The following LYPD5 variants were observed in gnomAD, a reference collection of about 807,000 sequenced individuals.
LYPD5 encodes the protein ly6/PLAUR domain-containing protein 5.
A neutral mutation model predicts 19.1 loss-of-function variants in LYPD5; 21 were observed. The observed-to-expected ratio is 1.10, with a 90% CI of 0.78 to 1.58. The LOEUF is 1.58. Ranked by LOEUF, LYPD5 falls within the 40% of genes most tolerant of loss-of-function variation. LYPD5 has a pLI of 0.00. For missense variants in LYPD5, 287 were observed against 329.8 expected, an observed-to-expected ratio of 0.87 and a Z score of 1.00; for synonymous variants, 128 against 142.7, an observed-to-expected ratio of 0.90 and a Z score of 0.74.
intron 1 of LYPD5, among the ~76,000 whole-genome samples, chr19:43,819,283 C>CTTTTTTTTTTTTTTTTTTTT (rs560659624): frequency 9.0e-6 from 1 of 110,516 alleles, no homozygotes; most frequent in Non-Finnish European, 1.8e-5. Flanking sequence ...TCTTCTTCTT[C>CTTTTTTTTTTTTTTTTTTTT]TTTTTTTTTT....
At position 43,810,832 on chromosome 19, in the gene LYPD5, G is replaced by A. The variant is rs181558569; in HGVS notation, c.-66+9708C>T. On this transcript the variant is annotated intron_variant, in intron 1 of 4. Coordinates refer to the LYPD5 transcript ENST00000414615. Reference sequence around the variant, plus strand: ...TTTAGTAGAGATGCGGTTTCACCACGTTGGCCAGGCTGGTCTTGAACTCCT... The same window carrying A: ...TTTAGTAGAGATGCGGTTTCACCACATTGGCCAGGCTGGTCTTGAACTCCT... 2.7e-3 allele frequency among the ~76,000 whole-genome samples: 416 copies of A among 151,916 alleles called. 2 individuals are homozygous for A. Among genetic ancestry groups the A allele is most frequent in the African/African-American group, 9.2e-3 (382 of 41,464 alleles).
chr19:43,808,886 A>C (rs903079740), intron 1 of LYPD5, among the ~76,000 whole-genome samples: 1 of 152,218 alleles, frequency 6.6e-6, no homozygotes, highest in Admixed American at 6.5e-5. Context: ...TTAAATTTTC[A>C]TAAGTTTATT....
upstream of LYPD5, chr19:43,802,559 TTG>T: frequency 1.0e-5 from 3 of 288,266 alleles, no homozygotes; most frequent in South Asian, 1.6e-4. Flanking sequence ...TGATCCTCAG[TTG>T]CTGGAGATCT....
At chr19:43,812,599 T>A (rs1465800368) in intron 1 of LYPD5, among the ~76,000 whole-genome samples, 1 of 152,224 alleles carries the variant, frequency 6.6e-6, no homozygotes, top group African/African-American at 2.4e-5. Context: ...AACTTGAAAC[T>A]TGATCGTTCA....
At chr19:43,800,522 C>T (rs1196515483) in intron 1 of LYPD5, among the ~76,000 whole-genome samples, 1 of 152,138 alleles carries the variant, frequency 6.6e-6, no homozygotes, top group Non-Finnish European at 1.5e-5. Context: ...GTATGATAAC[C>T]ATATCAACAC....
chr19:43,809,433 T>C (rs1449048090), intron 1 of LYPD5, among the ~76,000 whole-genome samples: 1 of 151,754 alleles, frequency 6.6e-6, no homozygotes, highest in Non-Finnish European at 1.5e-5. Flanking sequence ...CAGGCTGGAG[T>C]GCAATGGCGA....
At chr19:43,802,560 T>C (rs1317890562), upstream of LYPD5, 20 of 262,922 alleles carry the variant, frequency 7.6e-5, no homozygotes, top group South Asian at 1.0e-3. Context: ...GATCCTCAGT[T>C]GCTGGAGATC....
Position 43,802,370 on chromosome 19 carries a change from C to G in LYPD5, c.11G>C (p.Gly4Ala), listed in dbSNP as rs756208821. 2.6e-6 allele frequency: 4 copies of G among 1,551,660 alleles called. No homozygotes were observed. The South Asian group carries it at 3.6e-5, about 14-fold the overall frequency. Residue 4 changes from glycine (G) to alanine (A), a missense_variant, in exon 1 of 5, where the codon GGG becomes GCG. Gly to Ala is a moderately conservative substitution (Grantham distance 60). Coordinates refer to ENST00000377950, the MANE Select transcript of LYPD5 (RefSeq NM_001031749.3). ...GCAGAGCAGAATGACTCTGGGGACC[C>G]CCATTGCCATTGCTGAGCTGGGCCA... MAM[G>A]VPRVILLCLF...
Position 43,798,447 on chromosome 19 carries a change from CCCCTTA to C in LYPD5, c.517+2_517+7del. ...TGCCCAGGCCCTTCCACCCTTCCAG[CCCCTTA>C]CCAACTGTCATTCTGCCATTGCCCT... On this transcript the variant is annotated splice_donor_variant and splice_donor_5th_base_variant and intron_variant, in intron 4 of 4. Transcript: ENST00000377950. LOFTEE classifies it high-confidence loss of function. 6.2e-7 allele frequency: 1 copy of C among 1,604,970 alleles called. No homozygotes were observed. The highest frequency in any genetic ancestry group is 1.1e-5 in the South Asian group (1 of 91,088).
chr19:43,798,335 T>C, intron 4 of LYPD5, 120 bp downstream of exon 4: 1 of 1,277,476 alleles, frequency 7.8e-7, no homozygotes, highest in Non-Finnish European at 1.1e-6. Flanking sequence ...ACCAGGGTCA[T>C]GCCTCCCACC....
chr19:43,799,106 T>G, intron 2 of LYPD5, 118 bp from the exon 3 acceptor site: 3 of 1,100,268 alleles, frequency 2.7e-6, no homozygotes, highest in Non-Finnish European at 3.7e-6. Flanking sequence ...CCCTCCCTCC[T>G]TCCCTCCTTC....
Position 43,798,507 on chromosome 19 carries a change from C to G in LYPD5, c.465G>C (p.Gln155His), listed in dbSNP as rs145942095. The G allele has an allele frequency of 3.6e-5, 58 of 1,610,016 alleles. No individual in the cohort carries two copies. The highest frequency in any genetic ancestry group is 5.0e-5 in the Admixed American group (3 of 60,036). ...DCAIGRSRRVQCHQDQTACFQ... is the reference protein window; with the variant it reads ...DCAIGRSRRVHCHQDQTACFQ... ...AGCAGGCGGTCTGGTCCTGGTGACA[C>G]TGGACTCGTCGGGACCTGCCGATAG... Residue 155 changes from glutamine (Q) to histidine (H), a missense_variant, in exon 4 of 5, where the codon CAG becomes CAC. Physicochemically the swap from Gln to His is conservative, Grantham distance 24. Transcript: ENST00000377950.
chr19:43,796,899 T>C lies in LYPD5; in HGVS notation c.*692A>G, dbSNP rs947186915. On this transcript the variant is annotated 3_prime_UTR_variant, in exon 5 of 5. Transcript: ENST00000377950. ...AGAGTTTATTTTCACCTCCACCTTATAGGTGAGAAAATATTGGCACAGAGA... is the reference window on the plus strand; with the variant it reads ...AGAGTTTATTTTCACCTCCACCTTACAGGTGAGAAAATATTGGCACAGAGA... 1 of 152,236 alleles carries C rather than the reference T, an allele frequency of 6.6e-6. No individual in the cohort carries two copies. Among genetic ancestry groups the C allele is most frequent in the African/African-American group, 2.4e-5 (1 of 41,464 alleles). 9.4% of individuals were successfully genotyped at this position (152,236 alleles called of 1,614,324 possible).
chr19:43,806,533 A>G (rs1970271363), upstream of LYPD5, among the ~76,000 whole-genome samples: 1 of 152,066 alleles, frequency 6.6e-6, no homozygotes, highest in African/African-American at 2.4e-5. Context: ...CATAGTGGGC[A>G]CGCCTGTAAT....
intron 1 of LYPD5, among the ~76,000 whole-genome samples, chr19:43,812,377 CAAT>C (rs1568406575): frequency 4.8e-5 from 5 of 104,494 alleles, no homozygotes; most frequent in South Asian, 2.9e-4. Context: ...ATCTATCTAT[CAAT>C]CTATCATCTA....
intron 1 of LYPD5, among the ~76,000 whole-genome samples, chr19:43,819,283 C>CTTTTTTTTTTTTTTTTTTT (rs560659624): frequency 4.5e-5 from 5 of 110,526 alleles, no homozygotes; most frequent in Non-Finnish European, 7.1e-5. Context: ...TCTTCTTCTT[C>CTTTTTTTTTTTTTTTTTTT]TTTTTTTTTT....
chr19:43,798,745 C>A, intron 3 of LYPD5, 67 bp downstream of exon 3: 2 of 1,568,592 alleles, frequency 1.3e-6, no homozygotes, highest in Non-Finnish European at 1.7e-6. Flanking sequence ...GCGGAGGCCA[C>A]GCCTTCCCCG....
chr19:43,809,484 G>A lies in LYPD5; in HGVS notation c.-65-9650C>T, dbSNP rs1310257421. On this transcript the variant is annotated intron_variant, in intron 1 of 4. Coordinates refer to the LYPD5 transcript ENST00000414615. ...CAACCTTCGCCTCCCGGGTTCAAGC[G>A]ATTCTCCTGCCTCAGCCTCTGTAAC... Among the ~76,000 whole-genome samples, 7 of 152,158 alleles carry A rather than the reference G, an allele frequency of 4.6e-5. 1 individual carries two copies. Among genetic ancestry groups the A allele is most frequent in the Admixed American group, 4.6e-4 (7 of 15,260 alleles).
upstream of LYPD5, among the ~76,000 whole-genome samples, chr19:43,806,012 C>G (rs1970267685): frequency 6.6e-6 from 1 of 152,186 alleles, no homozygotes; most frequent in African/African-American, 2.4e-5. Flanking sequence ...CCCCACACCC[C>G]CTGGCAAGCA....
Sources: gnomAD v4.1 joint callset for allele counts (sites outside exome capture counted in the v4.1 genomes callset) on GRCh38, gnomAD v4.1.1 for gene constraint, MANE v1.5 for transcripts, NCBI Gene and HGNC (gene_info 2026-07-23, HGNC 2026-07-21) for gene names.